Variants in RAD54L observed in about 807,000 individuals in gnomAD.
RAD54L encodes DNA repair and recombination protein RAD54-like.
Under a neutral mutation model 91.6 loss-of-function variants are expected in RAD54L, and 74 were observed. The observed-to-expected ratio is 0.81, with a 90% confidence interval of 0.67 to 0.98. The LOEUF (loss-of-function observed/expected upper bound fraction) is 0.98. Among genes scored for constraint, RAD54L ranks in the 50% least tolerant of loss-of-function variants. The pLI is 0.00. For missense variants in RAD54L, 887 were observed against 945.7 expected (o/e 0.94, Z 0.81); for synonymous variants, 304 against 349.7 (o/e 0.87, Z 1.46).
chr1:46,270,583 G>A (rs953693417), intron 9 of RAD54L, 76 bp from the exon 10 acceptor site: 17 of 1,584,040 alleles, frequency 1.1e-5, no homozygotes, highest in East Asian at 4.5e-5. Flanking sequence ...TTGTGAGAAG[G>A]TAGTCTGCCA....
At chr1:46,270,365 A>G (rs905114049) in intron 9 of RAD54L, among the ~76,000 whole-genome samples, 9 of 149,396 alleles carry the variant, frequency 6.0e-5, no homozygotes, top group Admixed American at 3.3e-4. Context: ...CATTGCAGGA[A>G]AAAAAAAAAA....
intron 2 of RAD54L, 74 bp downstream of exon 2, chr1:46,248,672 G>A: frequency 7.2e-7 from 1 of 1,387,380 alleles, no homozygotes; most frequent in East Asian, 2.3e-5. Context: ...TGGTTTCTAG[G>A]GTTACATAGC....
intron 3 of RAD54L, among the ~76,000 whole-genome samples, chr1:46,250,509 C>T (rs571210887): frequency 2.8e-4 from 43 of 152,270 alleles, no homozygotes; most frequent in Admixed American, 2.4e-3. Context: ...GTAATTCTCA[C>T]GTTTTAAGAT....
intron 13 of RAD54L, 78 bp from the exon 14 acceptor site, chr1:46,273,546 C>G: frequency 6.2e-7 from 1 of 1,611,300 alleles, no homozygotes; most frequent in Non-Finnish European, 8.5e-7. Context: ...TGTCCTGTTT[C>G]AAGGCAGGAT....
At chr1:46,256,151 C>G (rs1659934674) in intron 3 of RAD54L, among the ~76,000 whole-genome samples, 1 of 151,542 alleles carries the variant, frequency 6.6e-6, no homozygotes, top group Admixed American at 6.6e-5. Context: ...AGTTGTAGCT[C>G]ACTGCAGCCT....
At position 46,274,139 on chromosome 1, in the gene RAD54L, T is replaced by A; in HGVS notation, c.1612T>A (p.Tyr538Asn). The A allele has an allele frequency of 6.2e-7, 1 of 1,611,954 alleles. No homozygotes were observed. Among genetic ancestry groups the A allele is most frequent in the Non-Finnish European group, 8.5e-7 (1 of 1,178,054 alleles). The change falls in exon 15 of 18, where the codon TAC (tyrosine) becomes AAC (asparagine). Residue 538 changes from tyrosine (Y) to asparagine (N), a missense_variant and splice_region_variant. Transcript: ENST00000371975. The part of the protein sequence containing the change: ...LFEKLCRARR[Y>N]LYVRLDGTMS... ...CTTGGGTCTCGAATCCCCCTTCAGG[T>A]ACTTATACGTCCGCCTGGATGGCAC...
In RAD54L at chr1:46,250,017, AT is replaced by A. The variant is rs1224036594; in HGVS notation, c.109del (p.Ser37ProfsTer19). The A allele has an allele frequency of 6.2e-7, 1 of 1,614,090 alleles. No homozygotes were observed. The highest frequency in any genetic ancestry group is 1.1e-5 in the South Asian group (1 of 91,084). On this transcript the variant is annotated frameshift_variant, in exon 3 of 18. Coordinates refer to ENST00000371975, the MANE Select transcript of RAD54L (RefSeq NM_003579.4). LOFTEE classifies it high-confidence loss of function. ...PGLVTPRKRK[S>X]SSETQIQECF... ...TCTCCTAGACTCCTAGGAAACGGAA[AT>A]CCAGCAGTGAGACCCAGATCCAGGA... is the stretch of plus-strand genomic sequence containing the variant.
intron 8 of RAD54L, among the ~76,000 whole-genome samples, chr1:46,264,128 A>G (rs1403944665): frequency 6.6e-6 from 1 of 150,804 alleles, no homozygotes; most frequent in Non-Finnish European, 1.5e-5. Flanking sequence ...TTTCTTCCCC[A>G]CTCTGTCCTG....
At position 46,277,153 on chromosome 1, in the gene RAD54L, C is replaced by G. The variant is rs28363248; in HGVS notation, c.1870-664C>G. On this transcript the variant is annotated intron_variant, in intron 16 of 17. Coordinates refer to ENST00000371975, the MANE Select transcript of RAD54L (RefSeq NM_003579.4). The stretch of plus-strand genomic sequence containing the variant: ...CCAGTCTCAGCTCTTACTATACTCC[C>G]ACCAACCTCCAGTTAGCCTGAACTA... Among the ~76,000 whole-genome samples, 771 of 152,310 alleles carry G rather than the reference C, an allele frequency of 5.1e-3. 6 individuals carry two copies. Among genetic ancestry groups the G allele is most frequent in the African/African-American group, 0.017 (706 of 41,558 alleles).
chr1:46,250,093 C>T lies in RAD54L; in HGVS notation c.184C>T (p.Pro62Ser). 6.2e-7 allele frequency: 1 copy of T among 1,614,224 alleles called. No individual in the cohort carries two copies. Among genetic ancestry groups the T allele is most frequent in the South Asian group, 1.1e-5 (1 of 91,084 alleles). Residue 62 changes from proline (P) to serine (S), a missense_variant, in exon 3 of 18, where the codon CCA (proline) becomes TCA (serine). By Grantham distance (74) the Pro-to-Ser change is moderately conservative (BLOSUM62 -1). Transcript: ENST00000371975. The part of the protein sequence containing the change: ...RKPLSQLTNQ[P>S]PCLDSSQHEA... ...ACCTTTGAGTCAGCTAACCAATCAA[C>T]CACCTTGTCTGGACAGCAGTCAGCA...
intron 8 of RAD54L, 61 bp from the exon 9 acceptor site, chr1:46,267,398 T>C: frequency 4.4e-6 from 7 of 1,604,122 alleles, no homozygotes; most frequent in Non-Finnish European, 3.4e-6. Flanking sequence ...CCTGTCTACA[T>C]GAGACTTTGC....
intron 13 of RAD54L, 54 bp from the exon 14 acceptor site, chr1:46,273,570 A>C: frequency 6.2e-7 from 1 of 1,612,354 alleles, no homozygotes; most frequent in Non-Finnish European, 8.5e-7. Flanking sequence ...AAGAGTAAGA[A>C]GCCTGGGCCA....
chr1:46,273,556 T>C (rs1660498609), intron 13 of RAD54L, 68 bp from the exon 14 acceptor site: 1 of 1,611,984 alleles, frequency 6.2e-7, no homozygotes, highest in South Asian at 1.1e-5. Context: ...CAAGGCAGGA[T>C]ATCAAGAGTA....
At position 46,248,563 on chromosome 1, in the gene RAD54L, T is replaced by C. The variant is rs1380048932; in HGVS notation, c.55T>C (p.Ser19Pro). 6.2e-7 allele frequency: 1 copy of C among 1,614,016 alleles called. No individual in the cohort carries two copies. ...QLAKRKPEGRSCDDEDWQPGL... is the reference protein window; with the variant it reads ...QLAKRKPEGRPCDDEDWQPGL... ...GGCCAAGAGAAAACCTGAAGGCAGG[T>C]CCTGTGATGATGAAGACTGGCAACC... The change falls in exon 2 of 18, where the codon TCC becomes CCC. Residue 19 changes from serine to proline, a missense_variant. Transcript: ENST00000371975.
intron 16 of RAD54L, 51 bp from the exon 17 acceptor site, chr1:46,277,766 A>T: frequency 6.5e-7 from 1 of 1,543,828 alleles, no homozygotes; most frequent in South Asian, 1.1e-5. Context: ...CCTTTTTATG[A>T]GGATGGCTAA....
In RAD54L at chr1:46,248,238, G is replaced by T; in HGVS notation, c.-168G>T. On this transcript the variant is annotated 5_prime_UTR_variant, in exon 1 of 18. Transcript: ENST00000371975. ...TCTCACAGTTTGGTTCCAAACACCA[G>T]TTCCTGGATGGATTCCCGCCATCCA... 1.1e-6 allele frequency: 1 copy of T among 888,522 alleles called. No homozygotes were observed. 55.0% of individuals were successfully genotyped at this position (888,522 alleles called of 1,614,324 possible). A position where few individuals can be genotyped will look rare whatever the true frequency, so the allele number is the denominator to read the frequency against.
At chr1:46,262,189 G>A (rs996144369) in intron 8 of RAD54L, among the ~76,000 whole-genome samples, 3 of 151,862 alleles carry the variant, frequency 2.0e-5, no homozygotes, top group African/African-American at 4.8e-5. Flanking sequence ...TGAGGCGGGC[G>A]GATCATGCGG....
In RAD54L at chr1:46,270,650, T is replaced by C. The variant is rs746064491; in HGVS notation, c.1043-9T>C. ...ACATTCTTCTGTTTTCCTTCTCTCC[T>C]GTGTTTAGGGACTGCCCATGAATTC... On this transcript the variant is annotated splice_polypyrimidine_tract_variant and intron_variant, in intron 9 of 17. Coordinates refer to ENST00000371975, the MANE Select transcript of RAD54L (RefSeq NM_003579.4). 3.7e-6 allele frequency: 6 copies of C among 1,612,256 alleles called. No homozygotes were observed. Among genetic ancestry groups the C allele is most frequent in the Middle Eastern group, 1.6e-4 (1 of 6,082 alleles).
intron 14 of RAD54L, 121 bp downstream of exon 14, chr1:46,273,868 C>T (rs947234823): frequency 1.1e-4 from 159 of 1,390,156 alleles, no homozygotes; most frequent in Non-Finnish European, 1.5e-4. Context: ...CTGGAGATAT[C>T]TTCCCTTATT....
Sources: gnomAD v4.1 joint callset for allele counts (sites outside exome capture counted in the v4.1 genomes callset) on GRCh38, gnomAD v4.1.1 for gene constraint, MANE v1.5 for transcripts, NCBI Gene and HGNC (gene_info 2026-07-23, HGNC 2026-07-21) for gene names.